The following FOXRED1 variants were observed in gnomAD, a reference collection of about 807,000 sequenced individuals.
FOXRED1 encodes FAD dependent oxidoreductase domain containing 1.
In FOXRED1, 52 loss-of-function variants were observed where a neutral mutation model predicts 57.8. The observed-to-expected ratio is 0.90, with a 90% CI of 0.72 to 1.13. FOXRED1 has a LOEUF of 1.13. Ranked by LOEUF, FOXRED1 falls within the 50% of genes most tolerant of loss-of-function variation. FOXRED1 has a pLI of 0.00. For synonymous variants in FOXRED1, 271 were observed against 248.3 expected, an observed-to-expected ratio of 1.09 and a Z score of -0.86; for missense variants, 589 against 625.2, an observed-to-expected ratio of 0.94 and a Z score of 0.62.
rs1347848879 is a variant in FOXRED1, at chr11:126,278,097, C to T, written c.*408C>T. 2 of 470,278 alleles carry T rather than the reference C, an allele frequency of 4.3e-6. No individual in the cohort carries two copies. The highest frequency in any genetic ancestry group is 3.9e-5 in the African/African-American group (2 of 50,780). The allele number at this position is 470,278 out of a possible 1,614,324, so 29.1% of individuals were successfully genotyped here. On this transcript the variant is annotated 3_prime_UTR_variant, in exon 11 of 11. Transcript: ENST00000263578. The surrounding 1 kb of genome is among the most constrained non-coding windows in gnomAD (Gnocchi z 4.8). ...TTGATTTTCGTCTGTTTACCCTATC[C>T]ATTAATCAATACATGTAATTAACTC...
chr11:126,276,611 C>T (rs1290966126), intron 9 of FOXRED1, 88 bp downstream of exon 9: 3 of 1,451,418 alleles, frequency 2.1e-6, no homozygotes, highest in Non-Finnish European at 2.9e-6. Flanking sequence ...CACAGTAGCT[C>T]ATGCCTGTAA....
Position 126,275,179 on chromosome 11 carries a change from TTCA to T in FOXRED1, c.632-144_632-142del, listed in dbSNP as rs1455393403. The T allele has an allele frequency of 6.2e-6, 5 of 804,818 alleles. No individual in the cohort carries two copies. The highest frequency in any genetic ancestry group is 1.1e-5 in the Non-Finnish European group (5 of 464,802). 49.9% of individuals were successfully genotyped at this position (804,818 alleles called of 1,614,324 possible). ...CCTGGGCCGTGGTAGTTCTCTGTCC[TTCA>T]TCAGGCTTTGTCTCTGTGGTTCAGT... is the stretch of plus-strand genomic sequence containing the variant. On this transcript the variant is annotated intron_variant, in intron 5 of 10. Transcript: ENST00000263578. This position sits in a 1 kb window ranked among gnomAD's most constrained non-coding sequence, Gnocchi z 5.9.
Position 126,276,404 on chromosome 11 carries a change from G to A in FOXRED1, c.982G>A (p.Val328Met). ...PVEPRKRYVY[V>M]WHCPQGPGLE... ...CACTGGTTGTGGCAGGTATGTGTAT[G>A]TGTGGCACTGCCCCCAGGGACCAGG... Residue 328 changes from valine (V) to methionine (M), a missense_variant, in exon 9 of 11, where the codon GTG (valine) becomes ATG (methionine). Val to Met is a conservative substitution (Grantham distance 21). Transcript: ENST00000263578. 2 of 1,538,016 alleles carry A rather than the reference G, an allele frequency of 1.3e-6. No individual in the cohort carries two copies.
Position 126,269,170 on chromosome 11 carries a change from C to G in FOXRED1, c.-37C>G. On this transcript the variant is annotated 5_prime_UTR_variant, in exon 1 of 11. Coordinates refer to ENST00000263578, the MANE Select transcript of FOXRED1 (RefSeq NM_017547.4). ...GACGGCTGCGATAATAGCGAGGCAGCAGTGCAGCTTTCAGAGGGTCCGGGC... is the reference window on the plus strand; with the variant it reads ...GACGGCTGCGATAATAGCGAGGCAGGAGTGCAGCTTTCAGAGGGTCCGGGC... 6.8e-7 allele frequency: 1 copy of G among 1,461,780 alleles called. No homozygotes were observed. Among genetic ancestry groups the G allele is most frequent in the Non-Finnish European group, 9.6e-7 (1 of 1,042,316 alleles). The allele number at this position is 1,461,780 out of a possible 1,614,324, so 90.6% of individuals were successfully genotyped here.
rs767007186 is a variant in FOXRED1, at chr11:126,271,486, G to A, written c.135G>A (p.Leu45=). 12 of 1,614,074 alleles carry A rather than the reference G, an allele frequency of 7.4e-6. 1 individual carries two copies. The South Asian group carries it at 1.3e-4, about 18-fold the overall frequency. Residue 45 remains leucine, a synonymous_variant, in exon 2 of 11, where the codon CTG becomes CTA. Transcript: ENST00000263578. This position sits in a 1 kb window ranked among gnomAD's most constrained non-coding sequence, Gnocchi z 5.3. The stretch of plus-strand genomic sequence containing the variant: ...TTAAGAAGAAGATCAAGTCGATCCT[G>A]CCTGGAAGGTCCTGTGATCTACTGC... The part of the protein sequence containing the change: ...SEIKKKIKSI[L]PGRSCDLLQD...
At position 126,274,533 on chromosome 11, in the gene FOXRED1, A is replaced by G; in HGVS notation, c.537-394A>G. ...TGTGGTGGCGTGTGCCTGTAGTCCC[A>G]GCTACTCCAGAGGCTGAAGCAGGAG... On this transcript the variant is annotated intron_variant, in intron 4 of 10. Coordinates refer to ENST00000263578, the MANE Select transcript of FOXRED1 (RefSeq NM_017547.4). This position sits in a 1 kb window ranked among gnomAD's most constrained non-coding sequence, Gnocchi z 4.8. 1 of 291,970 alleles carries G rather than the reference A, an allele frequency of 3.4e-6. No individual in the cohort carries two copies. The highest frequency in any genetic ancestry group is 6.8e-6 in the Non-Finnish European group (1 of 147,634). 18.1% of individuals were successfully genotyped at this position (291,970 alleles called of 1,614,324 possible).
chr11:126,274,417 G>T lies in FOXRED1; in HGVS notation c.537-510G>T, dbSNP rs967479517. On this transcript the variant is annotated intron_variant, in intron 4 of 10. Coordinates refer to ENST00000263578, the MANE Select transcript of FOXRED1 (RefSeq NM_017547.4). This position sits in a 1 kb window ranked among gnomAD's most constrained non-coding sequence, Gnocchi z 4.8. ...TAATCCCAGCATTTTGGGAGGCCAC[G>T]GCAGATGGAACACCTGAGGTCAGGA... 6 of 197,982 alleles carry T rather than the reference G, an allele frequency of 3.0e-5. No individual in the cohort carries two copies. Among genetic ancestry groups the T allele is most frequent in the Non-Finnish European group, 6.3e-5 (6 of 94,778 alleles). 12.3% of individuals were successfully genotyped at this position (197,982 alleles called of 1,614,324 possible).
rs1951082590 is a variant in FOXRED1, at chr11:126,274,686, G to A, written c.537-241G>A. 3.6e-6 allele frequency: 2 copies of A among 549,108 alleles called. No individual in the cohort carries two copies. Among genetic ancestry groups the A allele is most frequent in the African/African-American group, 1.9e-5 (1 of 52,466 alleles). The allele number at this position is 549,108 out of a possible 1,614,324, so 34.0% of individuals were successfully genotyped here. ...AGTCATGGAATAGACTGGGATAGCA[G>A]GGAGCTCTGTGTGCTGAAGGGAGAC... On this transcript the variant is annotated intron_variant, in intron 4 of 10. Transcript: ENST00000263578. The surrounding 1 kb of genome is among the most constrained non-coding windows in gnomAD (Gnocchi z 4.8).
rs1951061762 is a variant in FOXRED1, at chr11:126,273,970, G to A, written c.536+516G>A. ...ACCCCTGCTCTAAGTGATTCTCATG[G>A]TCAGGTGAGGGTGGGCATGTTTGTG... On this transcript the variant is annotated intron_variant, in intron 4 of 10. Transcript: ENST00000263578. This position sits in a 1 kb window ranked among gnomAD's most constrained non-coding sequence, Gnocchi z 5.9. 1 of 192,168 alleles carries A rather than the reference G, an allele frequency of 5.2e-6. No homozygotes were observed. Among genetic ancestry groups the A allele is most frequent in the Admixed American group, 5.3e-5 (1 of 18,842 alleles). 11.9% of individuals were successfully genotyped at this position (192,168 alleles called of 1,614,324 possible). A position where few individuals can be genotyped will look rare whatever the true frequency, so the allele number is the denominator to read the frequency against.
chr11:126,277,855 A>G lies in FOXRED1; in HGVS notation c.*166A>G, dbSNP rs1009766385. On this transcript the variant is annotated 3_prime_UTR_variant, in exon 11 of 11. Transcript: ENST00000263578. This position sits in a 1 kb window ranked among gnomAD's most constrained non-coding sequence, Gnocchi z 6.8. ...CCCATATGGCTGGGCAGGCACAGGC[A>G]GTGAGGCCGAGGCCAATAGCGAGTG... is the stretch of plus-strand genomic sequence containing the variant. 5.3e-6 allele frequency: 4 copies of G among 757,524 alleles called. No individual in the cohort carries two copies. Among genetic ancestry groups the G allele is most frequent in the Non-Finnish European group, 6.9e-6 (3 of 433,034 alleles). The allele number at this position is 757,524 out of a possible 1,614,324, so 46.9% of individuals were successfully genotyped here.
In FOXRED1 at chr11:126,273,288, C is replaced by T. The variant is rs750482528; in HGVS notation, c.418-48C>T. 1 of 1,425,054 alleles carries T rather than the reference C, an allele frequency of 7.0e-7. No individual in the cohort carries two copies. The highest frequency in any genetic ancestry group is 9.9e-7 in the Non-Finnish European group (1 of 1,007,874). The allele number at this position is 1,425,054 out of a possible 1,614,324, so 88.3% of individuals were successfully genotyped here. On this transcript the variant is annotated intron_variant, in intron 3 of 10. Transcript: ENST00000263578. This position sits in a 1 kb window ranked among gnomAD's most constrained non-coding sequence, Gnocchi z 5.9. ...GGGGAAGAAGGCAGGAAAACTCTTT[C>T]TGGCATCCTTAAGTCAGTTTCTTTC...
rs1359938940 is a variant in FOXRED1 at position 126,278,110 on chromosome 11, A to T, written c.*421A>T. 2.2e-6 allele frequency: 1 copy of T among 463,188 alleles called. No individual in the cohort carries two copies. Among genetic ancestry groups the T allele is most frequent in the Non-Finnish European group, 4.3e-6 (1 of 233,386 alleles). The allele number at this position is 463,188 out of a possible 1,614,324, so 28.7% of individuals were successfully genotyped here. A position where few individuals can be genotyped will look rare whatever the true frequency, so the allele number is the denominator to read the frequency against. ...GTTTACCCTATCCATTAATCAATACATGTAATTAACTCCTTCCCTCCAGTC... is the reference window on the plus strand; with the variant it reads ...GTTTACCCTATCCATTAATCAATACTTGTAATTAACTCCTTCCCTCCAGTC... On this transcript the variant is annotated 3_prime_UTR_variant, in exon 11 of 11. Transcript: ENST00000263578. This position sits in a 1 kb window ranked among gnomAD's most constrained non-coding sequence, Gnocchi z 4.8.
In FOXRED1 at chr11:126,276,160, T is replaced by G. The variant is rs1440514622; in HGVS notation, c.912T>G (p.Val304=). 2.5e-6 allele frequency: 4 copies of G among 1,610,910 alleles called. No homozygotes were observed. Among genetic ancestry groups the G allele is most frequent in the Non-Finnish European group, 3.4e-6 (4 of 1,179,426 alleles). Reference sequence around the variant, plus strand: ...CGCAAATCGCAGCACTGGCTGGTGTTGGAGAGGGGCCGCCTGGCACCCTGC... The same window carrying G: ...CGCAAATCGCAGCACTGGCTGGTGTGGGAGAGGGGCCGCCTGGCACCCTGC... ...WSAQIAALAG[V]GEGPPGTLQG... The change falls in exon 8 of 11, where the codon GTT becomes GTG. Residue 304 remains valine, a synonymous_variant. Transcript: ENST00000263578.
rs1951059313 is a variant in FOXRED1 at position 126,273,901 on chromosome 11, AGT to A, written c.536+451_536+452del. ...CCATAGACAAAAGTGCAAATGAAGG[AGT>A]GTGGCTCATTTATGAAAACAGGCAG... On this transcript the variant is annotated intron_variant, in intron 4 of 10. Coordinates refer to ENST00000263578, the MANE Select transcript of FOXRED1 (RefSeq NM_017547.4). This position sits in a 1 kb window ranked among gnomAD's most constrained non-coding sequence, Gnocchi z 5.9. 2.4e-5 allele frequency: 5 copies of A among 207,530 alleles called. 1 individual carries two copies. The Admixed American group carries it at 2.6e-4, about 11-fold the overall frequency. The allele number at this position is 207,530 out of a possible 1,614,324, so 12.9% of individuals were successfully genotyped here.
In FOXRED1 at chr11:126,275,165, G is replaced by A. The variant is rs1951095355; in HGVS notation, c.631+144G>A. 1.2e-6 allele frequency: 1 copy of A among 802,390 alleles called. No individual in the cohort carries two copies. Among genetic ancestry groups the A allele is most frequent in the African/African-American group, 1.7e-5 (1 of 59,046 alleles). The allele number at this position is 802,390 out of a possible 1,614,324, so 49.7% of individuals were successfully genotyped here. A position where few individuals can be genotyped will look rare whatever the true frequency, so the allele number is the denominator to read the frequency against. Reference sequence around the variant, plus strand: ...GTCACGGGAACTGCCCTGGGCCGTGGTAGTTCTCTGTCCTTCATCAGGCTT... The same window carrying A: ...GTCACGGGAACTGCCCTGGGCCGTGATAGTTCTCTGTCCTTCATCAGGCTT... On this transcript the variant is annotated intron_variant, in intron 5 of 10. Transcript: ENST00000263578. The surrounding 1 kb of genome is among the most constrained non-coding windows in gnomAD (Gnocchi z 5.9).
rs748225498 is a variant in FOXRED1 at position 126,277,679 on chromosome 11, A to T, written c.1451A>T (p.Asn484Ile). The change falls in exon 11 of 11, where the codon AAC becomes ATC. Residue 484 changes from asparagine to isoleucine, a missense_variant. Asn to Ile is a moderately radical substitution (Grantham distance 149). Transcript: ENST00000263578. This position sits in a 1 kb window ranked among gnomAD's most constrained non-coding sequence, Gnocchi z 6.8. ...TTGGGAGAGAAGATCCAGGAGAACA[A>T]CATCATCTGAGCATGTGTGCTCTGC... ...FYLGEKIQEN[N>I]II 11 of 1,613,524 alleles carry T rather than the reference A, an allele frequency of 6.8e-6. No individual in the cohort carries two copies. The South Asian group carries it at 9.9e-5, about 14-fold the overall frequency.
rs757604987 is a variant in FOXRED1, at chr11:126,272,939, T to C, written c.307-30T>C. 6 of 1,060,004 alleles carry C rather than the reference T, an allele frequency of 5.7e-6. No individual in the cohort carries two copies. The highest frequency in any genetic ancestry group is 3.0e-6 in the Non-Finnish European group (2 of 673,316). The allele number at this position is 1,060,004 out of a possible 1,614,324, so 65.7% of individuals were successfully genotyped here. ...CTAGTCACATGTGATAGGGTACTGG[T>C]CTACCTCAACTTTTCTTGTCTTTCC... On this transcript the variant is annotated intron_variant, in intron 2 of 10. Coordinates refer to ENST00000263578, the MANE Select transcript of FOXRED1 (RefSeq NM_017547.4). This position sits in a 1 kb window ranked among gnomAD's most constrained non-coding sequence, Gnocchi z 4.6.
At position 126,275,489 on chromosome 11, in the gene FOXRED1, C is replaced by A; in HGVS notation, c.733+61C>A. On this transcript the variant is annotated intron_variant, in intron 6 of 10. Coordinates refer to ENST00000263578, the MANE Select transcript of FOXRED1 (RefSeq NM_017547.4). The surrounding 1 kb of genome is among the most constrained non-coding windows in gnomAD (Gnocchi z 5.9). ...ATAGGCCTAGACTAGGTCTTATCTT[C>A]TCACTCACAAGCTAAGCAAGGGCTG... is the stretch of plus-strand genomic sequence containing the variant. 1 of 1,211,750 alleles carries A rather than the reference C, an allele frequency of 8.3e-7. No individual in the cohort carries two copies. Among genetic ancestry groups the A allele is most frequent in the Non-Finnish European group, 1.2e-6 (1 of 813,096 alleles). 75.1% of individuals were successfully genotyped at this position (1,211,750 alleles called of 1,614,324 possible).
rs1951128361 is a variant in FOXRED1, at chr11:126,276,187, G to A, written c.939G>A (p.Gln313=). Residue 313 remains glutamine, a synonymous_variant, in exon 8 of 11, where the codon CAG becomes CAA. Coordinates refer to ENST00000263578, the MANE Select transcript of FOXRED1 (RefSeq NM_017547.4). ...GVGEGPPGTL[Q]GTKLPVEPRK... ...GAGAGGGGCCGCCTGGCACCCTGCAGGGCACCAAGCTACCTGTGGAGCCGA... is the reference window on the plus strand; with the variant it reads ...GAGAGGGGCCGCCTGGCACCCTGCAAGGCACCAAGCTACCTGTGGAGCCGA... The A allele has an allele frequency of 1.2e-6, 2 of 1,606,526 alleles. No individual in the cohort carries two copies. Among genetic ancestry groups the A allele is most frequent in the Non-Finnish European group, 1.7e-6 (2 of 1,177,696 alleles).
Sources: gnomAD v4.1 joint callset for allele counts on GRCh38, gnomAD v4.1.1 for gene constraint, Gnocchi (gnomAD v3.1) non-coding constraint, MANE v1.5 for transcripts, NCBI Gene and HGNC (gene_info 2026-07-23, HGNC 2026-07-21) for gene names.